Variants in TTC39C observed in about 807,000 individuals in gnomAD.
TTC39C encodes tetratricopeptide repeat domain 39C.
TTC39C carries 33 observed loss-of-function variants against 76.3 expected under a neutral mutation model. The ratio of observed to expected loss-of-function variants is 0.43; its 90% CI spans 0.33 to 0.58. TTC39C has a LOEUF of 0.58. Ranked by LOEUF, TTC39C falls within the 20% of genes least tolerant of loss-of-function variation. The pLI is 0.04. For missense variants in TTC39C, 595 were observed against 701.4 expected, an observed-to-expected ratio of 0.85 and a Z score of 1.71; for synonymous variants, 254 against 260.6, an observed-to-expected ratio of 0.97 and a Z score of 0.24.
rs150406754 is a variant in TTC39C at position 24,125,465 on chromosome 18, C to T, written c.1335C>T (p.Leu445=). ...GGAAGCAAACCCCAACCAAAGCGCTCTGTGTGTTGGCGTCTATTGAAGTGT... is the reference window on the plus strand; with the variant it reads ...GGAAGCAAACCCCAACCAAAGCGCTTTGTGTGTTGGCGTCTATTGAAGTGT... ...RFRKQTPTKA[L]CVLASIEVLY... The change falls in exon 10 of 14, where the codon CTC becomes CTT. Residue 445 remains leucine (L), a synonymous_variant. Transcript: ENST00000317571. The T allele has an allele frequency of 4.3e-6, 7 of 1,614,042 alleles. No homozygotes were observed. Among genetic ancestry groups the T allele is most frequent in the Non-Finnish European group, 5.9e-6 (7 of 1,180,044 alleles).
chr18:24,081,355 G>A (rs2084373203), intron 5 of TTC39C, among the ~76,000 whole-genome samples: 2 of 152,048 alleles, frequency 1.3e-5, no homozygotes, highest in South Asian at 4.1e-4. Flanking sequence ...ATTCAAGGTG[G>A]TTTCCTATAT....
chr18:24,056,488 G>C (rs560066573), intron 1 of TTC39C, among the ~76,000 whole-genome samples: 1 of 152,272 alleles, frequency 6.6e-6, no homozygotes, highest in East Asian at 1.9e-4. Context: ...CTCAGTGAGG[G>C]ACTGTTTTAC....
intron 8 of TTC39C, among the ~76,000 whole-genome samples, chr18:24,119,480 A>T (rs1453051276): frequency 1.3e-5 from 2 of 152,342 alleles, no homozygotes; most frequent in Admixed American, 1.3e-4. Flanking sequence ...AAAATAAGAT[A>T]GGGTTGATGA....
In TTC39C at chr18:24,118,239, C is replaced by T. The variant is rs112253471; in HGVS notation, c.1186+7C>T. The T allele has an allele frequency of 1.4e-5, 22 of 1,605,764 alleles. No homozygotes were observed. Among genetic ancestry groups the T allele is most frequent in the African/African-American group, 2.7e-5 (2 of 74,584 alleles). ...TATGCCTACTTGACTGCAGGTGAGT[C>T]GCCCATGGTCCCTCAGTGTGCCTCT... On this transcript the variant is annotated splice_region_variant and intron_variant, in intron 8 of 13. Coordinates refer to ENST00000317571, the MANE Select transcript of TTC39C (RefSeq NM_001135993.2).
Position 24,125,129 on chromosome 18 carries a change from TGA to T in TTC39C, c.1297-297_1297-296del, listed in dbSNP as rs2085032803. Among the ~76,000 whole-genome samples, 5 of 152,316 alleles carry T rather than the reference TGA, an allele frequency of 3.3e-5. No homozygotes were observed. In the East Asian group the frequency reaches 9.7e-4, roughly 29 times the overall value. ...CTGGTCTCAAACTCCTGACCTCAGG[TGA>T]TCTGCCTGCCTTGGCCTCCCAAAGT... is the stretch of plus-strand genomic sequence containing the variant. On this transcript the variant is annotated intron_variant, in intron 9 of 13. Transcript: ENST00000317571.
intron 6 of TTC39C, among the ~76,000 whole-genome samples, chr18:24,100,437 A>G (rs1469517422): frequency 6.6e-6 from 1 of 152,126 alleles, no homozygotes; most frequent in Non-Finnish European, 1.5e-5. Flanking sequence ...CCTCAGTGAG[A>G]TGGGGATCCC....
At chr18:24,113,252 A>G (rs965443157) in intron 6 of TTC39C, 2 of 304,106 alleles carry the variant, frequency 6.6e-6, no homozygotes, top group East Asian at 6.7e-5. Context: ...GCCTTGGTTA[A>G]TGAGTCATTT....
chr18:24,043,973 C>G (rs951667480), intron 1 of TTC39C, among the ~76,000 whole-genome samples: 1 of 152,048 alleles, frequency 6.6e-6, no homozygotes, highest in Non-Finnish European at 1.5e-5. Context: ...TCTTTACTAC[C>G]GCGGATTGGA....
intron 6 of TTC39C, among the ~76,000 whole-genome samples, chr18:24,099,658 T>A (rs2145788100): frequency 6.6e-6 from 1 of 152,244 alleles, no homozygotes; most frequent in Non-Finnish European, 1.5e-5. Flanking sequence ...GTATCTTTTT[T>A]ATATGCTTTC....
intron 6 of TTC39C, 96 bp downstream of exon 6, chr18:24,083,177 C>A (rs9304423): frequency 0.99 from 1,296,132 of 1,305,608 alleles, 643,537 homozygotes; most frequent in Non-Finnish European, 1. Flanking sequence ...CCAGAATGTC[C>A]CAGGGCCCCG....
chr18:24,114,045 G>A (rs952956146), intron 6 of TTC39C: 11 of 293,860 alleles, frequency 3.7e-5, no homozygotes, highest in South Asian at 1.4e-4. Context: ...GAGCGGCTTC[G>A]TGCATTCACT....
chr18:24,082,783 C>A, intron 5 of TTC39C, 130 bp from the exon 6 acceptor site: 3 of 910,174 alleles, frequency 3.3e-6, no homozygotes, highest in Non-Finnish European at 4.7e-6. Context: ...TCTGATTTTA[C>A]TTCTTCAGAG....
At chr18:24,092,724 G>GCAATACT (rs2084539957) in intron 6 of TTC39C, among the ~76,000 whole-genome samples, 1 of 152,174 alleles carries the variant, frequency 6.6e-6, no homozygotes, top group African/African-American at 2.4e-5. Context: ...TCAGTGTGGA[G>GCAATACT]GTAGGTGAGG....
intron 1 of TTC39C, among the ~76,000 whole-genome samples, chr18:24,027,492 A>G (rs2083613648): frequency 2.0e-5 from 3 of 151,634 alleles, no homozygotes; most frequent in South Asian, 4.2e-4. Flanking sequence ...GCTCACCCGC[A>G]TCTTTATTTA....
At chr18:24,060,951 A>G (rs1447908145) in intron 1 of TTC39C, among the ~76,000 whole-genome samples, 1 of 152,134 alleles carries the variant, frequency 6.6e-6, no homozygotes, top group Non-Finnish European at 1.5e-5. Context: ...CTCTGGTATT[A>G]TATTACCAAC....
chr18:24,060,318 T>C (rs1411033311), intron 1 of TTC39C, among the ~76,000 whole-genome samples: 2 of 141,120 alleles, frequency 1.4e-5, no homozygotes, highest in Non-Finnish European at 1.5e-5. Context: ...TTTCTGTTTT[T>C]TTTTTTTTTT....
At position 24,020,236 on chromosome 18, in the gene TTC39C, C is replaced by G. The variant is rs1230846749; in HGVS notation, c.167+5198C>G. The stretch of plus-strand genomic sequence containing the variant: ...GTTGGAAAAAGGCATCTTTTTTCCC[C>G]CAACTATTACACTGTCTGAAAAGGT... On this transcript the variant is annotated intron_variant, in intron 1 of 13. Coordinates refer to ENST00000317571, the MANE Select transcript of TTC39C (RefSeq NM_001135993.2). 3 of 1,055,706 alleles carry G rather than the reference C, an allele frequency of 2.8e-6. No homozygotes were observed. The African/African-American group carries it at 5.0e-5, about 18-fold the overall frequency. 65.4% of individuals were successfully genotyped at this position (1,055,706 alleles called of 1,614,324 possible). A position where few individuals can be genotyped will look rare whatever the true frequency, so the allele number is the denominator to read the frequency against.
At chr18:24,021,559 T>C (rs2083518249) in intron 1 of TTC39C, among the ~76,000 whole-genome samples, 1 of 120,380 alleles carries the variant, frequency 8.3e-6, no homozygotes, top group East Asian at 4.0e-4. Context: ...TTTTTTTTTT[T>C]TTCCGAGACA....
At chr18:24,128,004 G>C (rs1419443670) in intron 10 of TTC39C, among the ~76,000 whole-genome samples, 1 of 152,136 alleles carries the variant, frequency 6.6e-6, no homozygotes. Context: ...GTCCCTCCCT[G>C]CTCTTCTCCC....
Sources: gnomAD v4.1 joint callset for allele counts (sites outside exome capture counted in the v4.1 genomes callset) on GRCh38, gnomAD v4.1.1 for gene constraint, MANE v1.5 for transcripts, NCBI Gene and HGNC (gene_info 2026-07-23, HGNC 2026-07-21) for gene names.